ROBO1: variants seen among roughly 807,000 people sequenced by gnomAD.
The protein encoded by ROBO1 is roundabout guidance receptor 1.
ROBO1 carries 149 observed loss-of-function variants against 195.9 expected under a neutral mutation model. That is an observed-to-expected ratio of 0.76 (90% confidence interval 0.67 to 0.87). The LOEUF (loss-of-function observed/expected upper bound fraction) is 0.87, where lower values mean the gene tolerates loss of function less well. Ranked by LOEUF, ROBO1 falls within the 40% of genes least tolerant of loss-of-function variation. The pLI is 0.00. For missense variants in ROBO1, 1,933 were observed against 2,068.3 expected, an observed-to-expected ratio of 0.93 and a Z score of 1.27; for synonymous variants, 816 against 733.2, an observed-to-expected ratio of 1.11 and a Z score of -1.82.
chr3:79,673,809 C>A (rs1317663922), intron 1 of ROBO1, among the ~76,000 whole-genome samples: 3 of 151,794 alleles, frequency 2.0e-5, no homozygotes, highest in Admixed American at 6.6e-5. Context: ...GAAAAGTTAC[C>A]TTTGGGGATT....
At chr3:78,732,524 CATGCAAACATGTGCTT>C (rs1256252114) in intron 5 of ROBO1, among the ~76,000 whole-genome samples, 5 of 152,114 alleles carry the variant, frequency 3.3e-5, no homozygotes, top group African/African-American at 1.2e-4. Flanking sequence ...CTTCTCTTCC[CATGCAAACATGTGCTT>C]ATTATCATGA....
intron 2 of ROBO1, among the ~76,000 whole-genome samples, chr3:79,410,256 T>G (rs1184457177): frequency 6.6e-6 from 1 of 152,140 alleles, no homozygotes; most frequent in Non-Finnish European, 1.5e-5. Flanking sequence ...ATATAGACTT[T>G]CAGGCAAAAC....
rs1356319184 is a variant in ROBO1, at chr3:78,645,860, GCTTAGTCA to G, written c.2882+280_2882+287del. ...TTTGTTAATCTTCATAAATGCCACCGCTTAGTCACTTTAACTCCTTTTAATCATTTGCT... is the reference window on the plus strand; with the variant it reads ...TTTGTTAATCTTCATAAATGCCACCGCTTTAACTCCTTTTAATCATTTGCT... On this transcript the variant is annotated intron_variant, in intron 21 of 30. Coordinates refer to ENST00000464233, the MANE Select transcript of ROBO1 (RefSeq NM_002941.4). Among the ~76,000 whole-genome samples, 6 of 151,988 alleles carry G rather than the reference GCTTAGTCA, an allele frequency of 3.9e-5. 1 individual carries two copies. Among genetic ancestry groups the G allele is most frequent in the Non-Finnish European group, 8.8e-5 (6 of 67,962 alleles).
chr3:78,606,799 C>T lies in ROBO1; in HGVS notation c.4678G>A (p.Gly1560Arg), dbSNP rs372268040. The change falls in exon 29 of 31, where the codon GGG becomes AGG. Residue 1560 changes from glycine (G) to arginine (R), a missense_variant. Gly to Arg is a moderately radical substitution (Grantham distance 125, BLOSUM62 -2). Transcript: ENST00000464233. The part of the protein sequence containing the change: ...PREAQEQQND[G>R]KGRGNKAAKR... ...GCTGCCTTGTTTCCACGTCCTTTCCCGTCATTTTGCTGTTCCTGTGCTTCT... is the reference window on the plus strand; with the variant it reads ...GCTGCCTTGTTTCCACGTCCTTTCCTGTCATTTTGCTGTTCCTGTGCTTCT... The T allele has an allele frequency of 3.5e-5, 57 of 1,613,724 alleles. No homozygotes were observed. The highest frequency in any genetic ancestry group is 8.8e-5 in the South Asian group (8 of 91,078).
At chr3:79,411,824 G>A (rs755352090) in intron 2 of ROBO1, among the ~76,000 whole-genome samples, 45 of 152,128 alleles carry the variant, frequency 3.0e-4, no homozygotes, top group African/African-American at 1.7e-4. Flanking sequence ...TCTCGGAAAT[G>A]CTAAGAACTG....
At chr3:79,027,197 T>A (rs2108292376) in intron 3 of ROBO1, among the ~76,000 whole-genome samples, 1 of 152,192 alleles carries the variant, frequency 6.6e-6, no homozygotes, top group South Asian at 2.1e-4. Context: ...AAGTACTATG[T>A]TCATTTAAAA....
intron 2 of ROBO1, among the ~76,000 whole-genome samples, chr3:79,264,180 A>G (rs1034377683): frequency 7.2e-5 from 11 of 152,022 alleles, no homozygotes; most frequent in South Asian, 6.2e-4. Flanking sequence ...CTGCTTTTTC[A>G]ACCCACTGGG....
At chr3:78,839,385 T>C (rs2106717299) in intron 4 of ROBO1, among the ~76,000 whole-genome samples, 1 of 151,966 alleles carries the variant, frequency 6.6e-6, no homozygotes, top group South Asian at 2.1e-4. Context: ...TCCAGAAACT[T>C]TTTTGGGTTT....
chr3:79,493,320 T>C (rs1283911845), intron 2 of ROBO1, among the ~76,000 whole-genome samples: 2 of 151,992 alleles, frequency 1.3e-5, no homozygotes, highest in African/African-American at 2.4e-5. Context: ...TATTAACATA[T>C]GTTAGAATTT....
rs1704877681 is a variant in ROBO1, at chr3:78,627,432, T to C, written c.3764A>G (p.Tyr1255Cys). ...GAASSPAAVS[Y>C]SHQSTATLTP... ...CAGAGTGGCAGTGGACTGATGGCTA[T>C]AGGACACGGCAGCTGGAGAAGAAGC... Residue 1255 changes from tyrosine (Y) to cysteine (C), a missense_variant, in exon 26 of 31, where the codon TAT (tyrosine) becomes TGT (cysteine). Around this residue, in one of 3 missense-constraint regions of ROBO1, gnomAD observed 1,737 missense variants for 1,882.5 expected, o/e 0.92. Transcript: ENST00000464233. The C allele has an allele frequency of 1.9e-6, 3 of 1,612,984 alleles. No individual in the cohort carries two copies. Among genetic ancestry groups the C allele is most frequent in the Non-Finnish European group, 2.5e-6 (3 of 1,179,594 alleles).
chr3:78,744,607 C>T (rs1052302638), intron 5 of ROBO1, among the ~76,000 whole-genome samples: 11 of 152,262 alleles, frequency 7.2e-5, no homozygotes, highest in Admixed American at 2.6e-4. Flanking sequence ...CTAGTGAATG[C>T]GTTAGGTATA....
chr3:79,048,075 G>A (rs1324411891), intron 3 of ROBO1, among the ~76,000 whole-genome samples: 2 of 152,038 alleles, frequency 1.3e-5, no homozygotes, highest in African/African-American at 4.8e-5. Context: ...TGAAACCTGG[G>A]TCTTTTCTTA....
intron 2 of ROBO1, among the ~76,000 whole-genome samples, chr3:79,336,185 C>T (rs868257053): frequency 2.4e-4 from 36 of 152,282 alleles, no homozygotes; most frequent in African/African-American, 8.2e-4. Context: ...AAGCCCACTG[C>T]AGAAATTTGC....
chr3:78,993,289 A>G (rs2077279983), intron 3 of ROBO1, among the ~76,000 whole-genome samples: 1 of 152,216 alleles, frequency 6.6e-6, no homozygotes, highest in Non-Finnish European at 1.5e-5. Context: ...GCATACATAC[A>G]TGCATACTTT....
chr3:79,379,567 T>C (rs1310570594), intron 2 of ROBO1, among the ~76,000 whole-genome samples: 1 of 152,218 alleles, frequency 6.6e-6, no homozygotes, highest in Non-Finnish European at 1.5e-5. Context: ...TAAAACATAA[T>C]TTCCACTTAC....
chr3:79,630,640 G>A (rs1945310701), intron 1 of ROBO1, among the ~76,000 whole-genome samples: 1 of 151,888 alleles, frequency 6.6e-6, no homozygotes, highest in African/African-American at 2.4e-5. Flanking sequence ...CTTTGACAGA[G>A]CAATCAAGAA....
chr3:79,052,625 G>T (rs1275476973), intron 3 of ROBO1, among the ~76,000 whole-genome samples: 1 of 152,084 alleles, frequency 6.6e-6, no homozygotes, highest in Admixed American at 6.6e-5. Context: ...GTCACCCCCA[G>T]AGACCCAGCT....
chr3:79,103,241 C>T (rs1370957526), intron 3 of ROBO1, among the ~76,000 whole-genome samples: 1 of 151,594 alleles, frequency 6.6e-6, no homozygotes, highest in Non-Finnish European at 1.5e-5. Context: ...TGAAAAACAA[C>T]AAAAACAAAA....
chr3:79,532,929 T>C (rs1389459402), intron 2 of ROBO1: 2 of 231,688 alleles, frequency 8.6e-6, no homozygotes, highest in Non-Finnish European at 1.8e-5. Context: ...CACTGAATCA[T>C]GTTTAGGGGA....
Sources: allele counts gnomAD v4.1 joint callset (sites outside exome capture counted in the v4.1 genomes callset), GRCh38; gene constraint gnomAD v4.1.1; regional missense constraint gnomAD v4.1.1; transcripts MANE v1.5; gene names NCBI Gene and HGNC (gene_info 2026-07-23, HGNC 2026-07-21).